The following KAT6B variants were observed in gnomAD, a reference collection of about 807,000 sequenced individuals.
KAT6B encodes histone acetyltransferase KAT6B.
KAT6B carries 10 observed loss-of-function variants against 187.5 expected under a neutral mutation model. That is an observed-to-expected ratio of 0.05 (90% CI 0.03 to 0.09). The LOEUF (loss-of-function observed/expected upper bound fraction) is 0.09. KAT6B is among the 10% of genes least tolerant of loss of function. The pLI is 1.00. For synonymous variants in KAT6B, 861 were observed against 926.8 expected, an observed-to-expected ratio of 0.93 and a Z score of 1.29; for missense variants, 1,952 against 2,558.9, an observed-to-expected ratio of 0.76 and a Z score of 5.12.
intron 3 of KAT6B, among the ~76,000 whole-genome samples, chr10:74,925,876 T>C (rs1848462920): frequency 6.6e-6 from 1 of 151,916 alleles, no homozygotes; most frequent in Admixed American, 6.6e-5. Context: ...AAATAGAGTG[T>C]GTGCAGGAGC....
rs535568078 is a variant in KAT6B at position 75,002,555 on chromosome 10, A to T, written c.2629+13443A>T. On this transcript the variant is annotated intron_variant, in intron 13 of 17. Transcript: ENST00000287239. ...ATAGTGTATGTACTTAGACAGACCTAAGTCGAAGTCTATAGGTTACTACAC... is the reference window on the plus strand; with the variant it reads ...ATAGTGTATGTACTTAGACAGACCTTAGTCGAAGTCTATAGGTTACTACAC... 5.3e-5 allele frequency among the ~76,000 whole-genome samples: 8 copies of T among 152,334 alleles called. No homozygotes were observed. The South Asian group carries it at 1.7e-3, about 32-fold the overall frequency.
intron 4 of KAT6B, among the ~76,000 whole-genome samples, chr10:74,961,009 G>A (rs892907121): frequency 1.3e-5 from 2 of 152,168 alleles, no homozygotes; most frequent in African/African-American, 2.4e-5. Context: ...AAGGTTTAAC[G>A]TGATAGGCCC....
intron 3 of KAT6B, among the ~76,000 whole-genome samples, chr10:74,862,145 A>G (rs1009914660): frequency 1.3e-5 from 2 of 152,226 alleles, no homozygotes; most frequent in South Asian, 2.1e-4. Context: ...AAAACCAAAA[A>G]TCATCAAATT....
Position 75,029,834 on chromosome 10 carries a change from G to A in KAT6B, c.5010G>A (p.Leu1670=), listed in dbSNP as rs141220503. Residue 1670 remains leucine, a synonymous_variant, in exon 18 of 18, where the codon CTG becomes CTA. Transcript: ENST00000287239. This position sits in a 1 kb window ranked among gnomAD's most constrained non-coding sequence, Gnocchi z 6.2. ...TCGTAGACAGTGGATTTAGTGACCT[G>A]GGCAGTATCGAGAGCACAACTGAGA... ...QQVVDSGFSD[L]GSIESTTENY... The A allele has an allele frequency of 6.2e-7, 1 of 1,614,166 alleles. No homozygotes were observed. The highest frequency in any genetic ancestry group is 1.3e-5 in the African/African-American group (1 of 75,050).
chr10:75,005,591 TTTTG>T (rs530540331), intron 13 of KAT6B, among the ~76,000 whole-genome samples: 56 of 152,300 alleles, frequency 3.7e-4, no homozygotes, highest in African/African-American at 1.2e-3. Flanking sequence ...GTTGTTGGTT[TTTTG>T]TTTGTTTGTT....
intron 3 of KAT6B, among the ~76,000 whole-genome samples, chr10:74,945,242 T>C (rs1413209339): frequency 6.6e-6 from 1 of 152,122 alleles, no homozygotes; most frequent in Non-Finnish European, 1.5e-5. Flanking sequence ...CTCAAAAATA[T>C]GTCAAGTGTA....
chr10:75,020,890 C>T (rs1845352857), intron 14 of KAT6B, 77 bp downstream of exon 14: 21 of 1,237,464 alleles, frequency 1.7e-5, no homozygotes, highest in Non-Finnish European at 2.5e-5. Flanking sequence ...TAGGTGCATT[C>T]ATTCCAGTTA....
At chr10:74,967,321 C>A (rs1453375489) in intron 4 of KAT6B, among the ~76,000 whole-genome samples, 1 of 132,966 alleles carries the variant, frequency 7.5e-6, no homozygotes, top group African/African-American at 3.6e-5. Context: ...CAGAGCGAGA[C>A]TCCGTCTCAA....
intron 3 of KAT6B, among the ~76,000 whole-genome samples, chr10:74,898,628 T>C (rs1006165079): frequency 2.6e-5 from 4 of 152,132 alleles, no homozygotes; most frequent in African/African-American, 9.7e-5. Context: ...TTTTGAACTG[T>C]CTGTTTTATT....
intron 3 of KAT6B, among the ~76,000 whole-genome samples, chr10:74,895,186 T>C (rs1237197350): frequency 6.6e-6 from 1 of 152,036 alleles, no homozygotes; most frequent in Non-Finnish European, 1.5e-5. Flanking sequence ...TTTGTATATC[T>C]TCTTTGGAGA....
chr10:75,029,003 A>G lies in KAT6B; in HGVS notation c.4179A>G (p.Pro1393=). ...CTAAAAGCCAAGAAAAAGAGGAACCAGAAATCTCCACGGAAAAAGAAGACT... is the reference window on the plus strand; with the variant it reads ...CTAAAAGCCAAGAAAAAGAGGAACCGGAAATCTCCACGGAAAAAGAAGACT... ...DGAKSQEKEE[P]EISTEKEDSA... Residue 1393 remains proline, a synonymous_variant, in exon 18 of 18, where the codon CCA becomes CCG. Transcript: ENST00000287239. This position sits in a 1 kb window ranked among gnomAD's most constrained non-coding sequence, Gnocchi z 6.2. 6.2e-7 allele frequency: 1 copy of G among 1,614,120 alleles called. No individual in the cohort carries two copies. Among genetic ancestry groups the G allele is most frequent in the Non-Finnish European group, 8.5e-7 (1 of 1,180,032 alleles).
chr10:74,986,860 G>A (rs959119466), intron 12 of KAT6B, among the ~76,000 whole-genome samples: 7 of 152,152 alleles, frequency 4.6e-5, no homozygotes, highest in African/African-American at 1.2e-4. Context: ...TAGGCTTAAC[G>A]GTGCCCACCT....
Position 75,032,104 on chromosome 10 carries a change from A to T in KAT6B, c.*1058A>T, listed in dbSNP as rs1430590981. 1 of 197,200 alleles carries T rather than the reference A, an allele frequency of 5.1e-6. No individual in the cohort carries two copies. The highest frequency in any genetic ancestry group is 6.1e-5 in the Admixed American group (1 of 16,448). The allele number at this position is 197,200 out of a possible 1,614,324, so 12.2% of individuals were successfully genotyped here. On this transcript the variant is annotated 3_prime_UTR_variant, in exon 18 of 18. Coordinates refer to ENST00000287239, the MANE Select transcript of KAT6B (RefSeq NM_012330.4). ...CTGTTTATATTGCTTCCTTTTTTGT[A>T]GCCTTTGTACCTGTACAGGGTGACA... is the stretch of plus-strand genomic sequence containing the variant.
chr10:74,850,208 A>G (rs1195254621), intron 3 of KAT6B, among the ~76,000 whole-genome samples: 3 of 152,158 alleles, frequency 2.0e-5, no homozygotes, highest in Non-Finnish European at 2.9e-5. Context: ...GTGGCTTTTT[A>G]TTAACAGTAA....
chr10:74,899,782 A>G (rs981195848), intron 3 of KAT6B, among the ~76,000 whole-genome samples: 3 of 152,142 alleles, frequency 2.0e-5, no homozygotes, highest in African/African-American at 7.2e-5. Context: ...CATTGATACC[A>G]ACATCATTAT....
At chr10:74,868,929 A>T (rs552320543) in intron 3 of KAT6B, among the ~76,000 whole-genome samples, 1 of 152,302 alleles carries the variant, frequency 6.6e-6, no homozygotes, top group African/African-American at 2.4e-5. Context: ...TCAGACTCTC[A>T]GGCTCATGCT....
intron 3 of KAT6B, among the ~76,000 whole-genome samples, chr10:74,849,130 T>G (rs554640614): frequency 3.3e-5 from 5 of 151,932 alleles, no homozygotes; most frequent in African/African-American, 1.2e-4. Context: ...TACAGGTGTG[T>G]GCCACCACAC....
At chr10:74,934,141 G>A (rs1189080590) in intron 3 of KAT6B, among the ~76,000 whole-genome samples, 3 of 134,962 alleles carry the variant, frequency 2.2e-5, no homozygotes, top group African/African-American at 9.0e-5. Flanking sequence ...AGCCGAGATC[G>A]CACCATTGCA....
intron 3 of KAT6B, among the ~76,000 whole-genome samples, chr10:74,916,467 A>G (rs914412472): frequency 2.0e-5 from 3 of 152,232 alleles, no homozygotes; most frequent in African/African-American, 7.2e-5. Flanking sequence ...ATGTGTCAGA[A>G]TGAAATATCT....
Sources: gnomAD v4.1 joint callset for allele counts (sites outside exome capture counted in the v4.1 genomes callset) on GRCh38, gnomAD v4.1.1 for gene constraint, Gnocchi (gnomAD v3.1) non-coding constraint, MANE v1.5 for transcripts, NCBI Gene and HGNC (gene_info 2026-07-23, HGNC 2026-07-21) for gene names.